MAPKBP1: variants seen among roughly 807,000 people sequenced by gnomAD.
MAPKBP1 encodes the protein mitogen-activated protein kinase binding protein 1, also known as mitogen-activated protein kinase-binding protein 1.
A neutral mutation model predicts 170.5 loss-of-function variants in MAPKBP1; 71 were observed. That is an observed-to-expected ratio of 0.42 (90% CI 0.34 to 0.51). The LOEUF is 0.51. Ranked by LOEUF, MAPKBP1 falls within the 20% of genes least tolerant of loss-of-function variation. The probability of loss-of-function intolerance (pLI) is 0.06; values close to 1 mark genes in which losing one functional copy is unlikely to be tolerated. For synonymous variants in MAPKBP1, 719 were observed against 757.9 expected (o/e 0.95, Z 0.84); for missense variants, 1,598 against 1,933.0 (o/e 0.83, Z 3.25).
intron 2 of MAPKBP1, among the ~76,000 whole-genome samples, chr15:41,789,050 T>C (rs1596068208): frequency 6.6e-6 from 1 of 152,204 alleles, no homozygotes; most frequent in Non-Finnish European, 1.5e-5. Flanking sequence ...TGTGTGATTG[T>C]AGGGGCACTG....
At chr15:41,786,556 A>G (rs540566157) in intron 2 of MAPKBP1, among the ~76,000 whole-genome samples, 28 of 151,536 alleles carry the variant, frequency 1.8e-4, no homozygotes, top group African/African-American at 6.8e-4. Flanking sequence ...CAAGGTCAGG[A>G]GATAGAGACC....
chr15:41,799,725 A>C lies in MAPKBP1; in HGVS notation c.115-98A>C. On this transcript the variant is annotated intron_variant, in intron 2 of 30. Coordinates refer to ENST00000457542, the MANE Select transcript of MAPKBP1 (RefSeq NM_014994.3). ...TTCTCCTGAAAACATGGGTGTCTGG[A>C]AAGTAGCCAGTGCCTCAGGATGGTC... 3.5e-6 allele frequency: 3 copies of C among 859,674 alleles called. No homozygotes were observed. The South Asian group carries it at 4.4e-5, about 13-fold the overall frequency. The allele number at this position is 859,674 out of a possible 1,614,324, so 53.3% of individuals were successfully genotyped here.
rs2065094417 is a variant in MAPKBP1 at position 41,826,373 on chromosome 15, C to T, written c.*937C>T. The T allele has an allele frequency of 6.6e-6, 1 of 152,258 alleles. No homozygotes were observed. The highest frequency in any genetic ancestry group is 1.5e-5 in the Non-Finnish European group (1 of 68,146). 9.4% of individuals were successfully genotyped at this position (152,258 alleles called of 1,614,324 possible). A position where few individuals can be genotyped will look rare whatever the true frequency, so the allele number is the denominator to read the frequency against. On this transcript the variant is annotated 3_prime_UTR_variant, in exon 31 of 31. Transcript: ENST00000457542. ...TGAGGACCTCAGCCACAGATGAGAT[C>T]ACACGCATGCACGTGCACACATGTA...
Position 41,817,118 on chromosome 15 carries a change from C to T in MAPKBP1, c.1711+83C>T, listed in dbSNP as rs771782618. On this transcript the variant is annotated intron_variant, in intron 14 of 30. Coordinates refer to ENST00000457542, the MANE Select transcript of MAPKBP1 (RefSeq NM_014994.3). This position sits in a 1 kb window ranked among gnomAD's most constrained non-coding sequence, Gnocchi z 4.2. Reference sequence around the variant, plus strand: ...TCCCACCTCCATGAGAAGGGTCTGCCCATTGTGGGGGAGTGTTGGACAGCA... The same window carrying T: ...TCCCACCTCCATGAGAAGGGTCTGCTCATTGTGGGGGAGTGTTGGACAGCA... 7.0e-5 allele frequency: 107 copies of T among 1,522,732 alleles called. No individual in the cohort carries two copies. The highest frequency in any genetic ancestry group is 8.9e-5 in the Non-Finnish European group (101 of 1,133,602). The allele number at this position is 1,522,732 out of a possible 1,614,324, so 94.3% of individuals were successfully genotyped here. A position where few individuals can be genotyped will look rare whatever the true frequency, so the allele number is the denominator to read the frequency against.
At chr15:41,815,575 T>C (rs199636307) in intron 11 of MAPKBP1, 49 bp from the exon 12 acceptor site, 48 of 1,582,422 alleles carry the variant, frequency 3.0e-5, no homozygotes, top group Non-Finnish European at 3.7e-5. Context: ...CCCTTGCAGC[T>C]GTACTGGTCA....
Position 41,817,811 on chromosome 15 carries a change from C to G in MAPKBP1, c.1904+76C>G. On this transcript the variant is annotated intron_variant, in intron 16 of 30. Transcript: ENST00000457542. This position sits in a 1 kb window ranked among gnomAD's most constrained non-coding sequence, Gnocchi z 4.2. Reference sequence around the variant, plus strand: ...GGTCAGCTCTGTGCAGCTAAGTTCCCACATCTGTCGTTCTGTACAGGACTT... The same window carrying G: ...GGTCAGCTCTGTGCAGCTAAGTTCCGACATCTGTCGTTCTGTACAGGACTT... 6.3e-7 allele frequency: 1 copy of G among 1,591,028 alleles called. No homozygotes were observed. The highest frequency in any genetic ancestry group is 8.6e-7 in the Non-Finnish European group (1 of 1,167,280).
At chr15:41,819,547 C>CGGGGGGGGGGGG (rs3034893) in intron 21 of MAPKBP1, 48 bp from the exon 22 acceptor site, 7 of 1,235,880 alleles carry the variant, frequency 5.7e-6, no homozygotes, top group Admixed American at 4.1e-5. Flanking sequence ...GGTTGGGTGG[C>CGGGGGGGGGGGG]GGGGGGGGGG....
chr15:41,792,466 A>G (rs1052069605), intron 2 of MAPKBP1, among the ~76,000 whole-genome samples: 2 of 152,152 alleles, frequency 1.3e-5, no homozygotes, highest in South Asian at 2.1e-4. Context: ...CCACCTGCCA[A>G]AGCAAAAGCT....
chr15:41,823,809 A>C lies in MAPKBP1; in HGVS notation c.3961A>C (p.Lys1321Gln). ...TKGRAPGEAE[K>Q]PGFPVGLGKA... ...AGGCCGGGCCCCTGGCGAGGCAGAA[A>C]AGCCTGGCTTCCCGGTGGGCCTAGG... The change falls in exon 29 of 31, where the codon AAG (lysine) becomes CAG (glutamine). Residue 1321 changes from lysine to glutamine, a missense_variant. Around this residue, in one of 6 missense-constraint regions of MAPKBP1, gnomAD observed 942 missense variants for 953.2 expected, o/e 0.99. Coordinates refer to ENST00000457542, the MANE Select transcript of MAPKBP1 (RefSeq NM_014994.3). 1 of 1,614,076 alleles carries C rather than the reference A, an allele frequency of 6.2e-7. No homozygotes were observed.
intron 2 of MAPKBP1, among the ~76,000 whole-genome samples, chr15:41,790,708 C>T (rs932553962): frequency 1.3e-5 from 2 of 152,200 alleles, no homozygotes; most frequent in African/African-American, 4.8e-5. Context: ...TGGAACTCTA[C>T]ATCAGCCAAA....
At position 41,817,649 on chromosome 15, in the gene MAPKBP1, C is replaced by T. The variant is rs758536642; in HGVS notation, c.1818C>T (p.His606=). 4.3e-6 allele frequency: 7 copies of T among 1,614,220 alleles called. No homozygotes were observed. Among genetic ancestry groups the T allele is most frequent in the Admixed American group, 1.7e-5 (1 of 60,026 alleles). ...GDGVQFTRTH[H]VVRKTTLYDM... ...GAGTGCAGTTCACACGGACACACCA[C>T]GTGGTGCGGAAGACGACCCTCTATG... Residue 606 remains histidine, a synonymous_variant, in exon 16 of 31, where the codon CAC becomes CAT. Coordinates refer to ENST00000457542, the MANE Select transcript of MAPKBP1 (RefSeq NM_014994.3). The surrounding 1 kb of genome is among the most constrained non-coding windows in gnomAD (Gnocchi z 4.2).
intron 2 of MAPKBP1, among the ~76,000 whole-genome samples, chr15:41,787,823 C>T (rs1380054388): frequency 6.6e-6 from 1 of 152,132 alleles, no homozygotes; most frequent in Non-Finnish European, 1.5e-5. Context: ...GGAAAGGCAT[C>T]AGAATCTTAC....
intron 5 of MAPKBP1, 26 bp from the exon 6 acceptor site, chr15:41,811,931 C>T (rs1226545658): frequency 1.9e-6 from 3 of 1,612,062 alleles, no homozygotes; most frequent in Non-Finnish European, 2.5e-6. Flanking sequence ...GTCAAGAACT[C>T]ACTTCCAGTT....
rs1254241827 is a variant in MAPKBP1 at position 41,799,837 on chromosome 15, G to A, written c.129G>A (p.Lys43=). Residue 43 remains lysine (K), a synonymous_variant, in exon 3 of 31, where the codon AAG becomes AAA. Transcript: ENST00000457542. ...TCCTCTAACAGGTGACCTTGGAGAA[G>A]GTGCTGGGAATTACAGTGTCTGGAG... ...EDLSSKVTLE[K]VLGITVSGGR... is the part of the protein sequence containing the mutation. 1 of 1,614,044 alleles carries A rather than the reference G, an allele frequency of 6.2e-7. No homozygotes were observed. Among genetic ancestry groups the A allele is most frequent in the Admixed American group, 1.7e-5 (1 of 60,016 alleles).
chr15:41,818,237 C>G lies in MAPKBP1; in HGVS notation c.2024C>G (p.Ser675Cys). 1 of 1,614,142 alleles carries G rather than the reference C, an allele frequency of 6.2e-7. No homozygotes were observed. The highest frequency in any genetic ancestry group is 8.5e-7 in the Non-Finnish European group (1 of 1,180,036). ...PSGIYIATSC[S>C]DKNLSIFDFS... ...GGGATCTACATTGCCACCAGCTGTT[C>G]TGACAAGAATCTCTCCATTTTTGAC... The change falls in exon 18 of 31, where the codon TCT (serine) becomes TGT (cysteine). Residue 675 changes from serine (S) to cysteine (C), a missense_variant. Transcript: ENST00000457542. This position sits in a 1 kb window ranked among gnomAD's most constrained non-coding sequence, Gnocchi z 5.2.
At chr15:41,824,423 G>A in intron 29 of MAPKBP1, 61 bp from the exon 30 acceptor site, 1 of 1,450,168 alleles carries the variant, frequency 6.9e-7, no homozygotes, top group Non-Finnish European at 9.4e-7. Flanking sequence ...GAGTGTCTTG[G>A]GTGCGGAGGC....
chr15:41,824,562 AC>A lies in MAPKBP1; in HGVS notation c.4294del (p.His1432ThrfsTer87). 1 of 1,594,750 alleles carries A rather than the reference AC, an allele frequency of 6.3e-7. No homozygotes were observed. Among genetic ancestry groups the A allele is most frequent in the Non-Finnish European group, 8.5e-7 (1 of 1,172,498 alleles). On this transcript the variant is annotated frameshift_variant, in exon 30 of 31. Coordinates refer to ENST00000457542, the MANE Select transcript of MAPKBP1 (RefSeq NM_014994.3). LOFTEE classifies it high-confidence loss of function. ...RGSVRQAVRL[Y>X]HSVAGCKMPS... Reference sequence around the variant, plus strand: ...AGCGTGCGCCAGGCAGTGCGGCTCTACCACTCGGTGGGTGTTAGGTGCCCCC... The same window carrying A: ...AGCGTGCGCCAGGCAGTGCGGCTCTACACTCGGTGGGTGTTAGGTGCCCCC...
rs1442749200 is a variant in MAPKBP1, at chr15:41,815,607, C to T, written c.1318-17C>T. On this transcript the variant is annotated splice_polypyrimidine_tract_variant and intron_variant, in intron 11 of 30. Transcript: ENST00000457542. The stretch of plus-strand genomic sequence containing the variant: ...GTCAGGCCTGCCTCATCCACCTTTT[C>T]TAACCTGTTCCACTAGGACCTCATT... 3 of 1,609,612 alleles carry T rather than the reference C, an allele frequency of 1.9e-6. No homozygotes were observed. The highest frequency in any genetic ancestry group is 2.5e-6 in the Non-Finnish European group (3 of 1,176,780).
chr15:41,810,717 CAAAA>C (rs58612719), intron 3 of MAPKBP1, 162 bp from the exon 4 acceptor site: 26,026 of 412,770 alleles, frequency 0.063, no homozygotes, highest in South Asian at 0.085. Flanking sequence ...GATCCTGTCT[CAAAA>C]AAAAAAAAAA....
Sources: gnomAD v4.1 joint callset for allele counts (sites outside exome capture counted in the v4.1 genomes callset) on GRCh38, gnomAD v4.1.1 for gene constraint, gnomAD v4.1.1 regional missense constraint, Gnocchi (gnomAD v3.1) non-coding constraint, MANE v1.5 for transcripts, NCBI Gene and HGNC (gene_info 2026-07-23, HGNC 2026-07-21) for gene names.